Variants in ZNF566 observed in about 807,000 individuals in gnomAD.
ZNF566 encodes zinc finger protein 566.
In ZNF566, 27 loss-of-function variants were observed where a neutral mutation model predicts 32.8. That is an observed-to-expected ratio of 0.82 (90% confidence interval 0.61 to 1.14). ZNF566 has a LOEUF of 1.14. Ranked by LOEUF, ZNF566 falls within the 50% of genes most tolerant of loss-of-function variation. The pLI, the probability that ZNF566 is intolerant of heterozygous loss-of-function variation, is 0.00. For synonymous variants in ZNF566, 154 were observed against 159.5 expected, an observed-to-expected ratio of 0.97 and a Z score of 0.26; for missense variants, 402 against 490.4, an observed-to-expected ratio of 0.82 and a Z score of 1.70.
chr19:36,480,107 T>C (rs2033987701), intron 1 of ZNF566, among the ~76,000 whole-genome samples: 1 of 152,026 alleles, frequency 6.6e-6, no homozygotes, highest in African/African-American at 2.4e-5. Flanking sequence ...GAAGAGCTTA[T>C]AATAGCCGAG....
Position 36,449,771 on chromosome 19 carries a change from G to A in ZNF566, c.463C>T (p.His155Tyr), listed in dbSNP as rs1401191533. Reference sequence around the variant, plus strand: ...ATTTGCTGTAATGTGAAGGATGGATGGTGACTCAAAGTGGGCAGATCTTCA... The same window carrying A: ...ATTTGCTGTAATGTGAAGGATGGATAGTGACTCAAAGTGGGCAGATCTTCA... The part of the protein sequence containing the change: ...THEDLPTLSH[H>Y]PSFTLQQIIN... The change falls in exon 5 of 5, where the codon CAT becomes TAT. Residue 155 changes from histidine to tyrosine, a missense_variant. This residue lies in a region of ZNF566 where 220 missense variants were observed against 241.9 expected (regional missense o/e 0.91). Transcript: ENST00000452939. 3 of 1,614,148 alleles carry A rather than the reference G, an allele frequency of 1.9e-6. No individual in the cohort carries two copies. Among genetic ancestry groups the A allele is most frequent in the Middle Eastern group, 1.6e-4 (1 of 6,062 alleles).
chr19:36,476,550 T>G lies in ZNF566; in HGVS notation c.8A>C (p.Gln3Pro), dbSNP rs754697282. The change falls in exon 2 of 5, where the codon CAG (glutamine) becomes CCG (proline). Residue 3 changes from glutamine to proline, a missense_variant and splice_region_variant. Physicochemically the swap from Gln to Pro is moderately conservative, Grantham distance 76. Transcript: ENST00000452939. ...GAGCAAAAGGAAACAGTATCTCACC[T>G]GAGCCATGGCTCTGATATTTGTAGA... MA[Q>P]ESVMFSDVSV... is the part of the protein sequence containing the mutation. 1.2e-6 allele frequency: 2 copies of G among 1,613,258 alleles called. No individual in the cohort carries two copies. Among genetic ancestry groups the G allele is most frequent in the African/African-American group, 1.3e-5 (1 of 75,044 alleles).
At chr19:36,471,420 C>T (rs1388420073) in intron 4 of ZNF566, among the ~76,000 whole-genome samples, 1 of 152,018 alleles carries the variant, frequency 6.6e-6, no homozygotes, top group Non-Finnish European at 1.5e-5. Context: ...AGTCACTGGC[C>T]TCTGGGGCTG....
At chr19:36,479,979 G>A (rs111251754) in intron 1 of ZNF566, among the ~76,000 whole-genome samples, 7 of 152,154 alleles carry the variant, frequency 4.6e-5, no homozygotes, top group African/African-American at 1.4e-4. Flanking sequence ...TTACAGGTGT[G>A]AGCCACTGCA....
chr19:36,473,065 C>T lies in ZNF566; in HGVS notation c.137-59G>A. Reference sequence around the variant, plus strand: ...CATGAGCATATCCTAGAATTCAAATCCAGTCCCTTCATTATAAAGAAAGAC... The same window carrying T: ...CATGAGCATATCCTAGAATTCAAATTCAGTCCCTTCATTATAAAGAAAGAC... On this transcript the variant is annotated intron_variant, in intron 3 of 4. Transcript: ENST00000452939. 2.1e-6 allele frequency: 3 copies of T among 1,447,070 alleles called. 1 individual carries two copies. The highest frequency in any genetic ancestry group is 1.2e-5 in the South Asian group (1 of 82,728). 89.6% of individuals were successfully genotyped at this position (1,447,070 alleles called of 1,614,324 possible). A position where few individuals can be genotyped will look rare whatever the true frequency, so the allele number is the denominator to read the frequency against.
chr19:36,473,130 T>C, intron 3 of ZNF566, 124 bp from the exon 4 acceptor site: 1 of 1,083,760 alleles, frequency 9.2e-7, no homozygotes. Flanking sequence ...TACAACGGAC[T>C]TATGAAACAT....
chr19:36,488,146 G>C (rs1391653108), intron 1 of ZNF566, among the ~76,000 whole-genome samples: 1 of 152,164 alleles, frequency 6.6e-6, no homozygotes, highest in Non-Finnish European at 1.5e-5. Flanking sequence ...GCAGTGGTAT[G>C]ATCATGGCTT....
intron 1 of ZNF566, among the ~76,000 whole-genome samples, chr19:36,485,428 C>T (rs939653270): frequency 4.5e-5 from 6 of 134,314 alleles, no homozygotes; most frequent in South Asian, 2.3e-4. Flanking sequence ...GCCTGGATGA[C>T]GGAGCAAGAC....
chr19:36,473,127 G>A (rs2033806342), intron 3 of ZNF566, 121 bp from the exon 4 acceptor site: 2 of 1,100,402 alleles, frequency 1.8e-6, no homozygotes, highest in Admixed American at 4.5e-5. Flanking sequence ...AGGTACAACG[G>A]ACTTATGAAA....
rs565817804 is a variant in ZNF566, at chr19:36,471,359, G to C, written c.232+1552C>G. Reference sequence around the variant, plus strand: ...AACTGACCCACTCTTTCCCACTCCTGCCTCTTTGATCTCATCTCCCACCCA... The same window carrying C: ...AACTGACCCACTCTTTCCCACTCCTCCCTCTTTGATCTCATCTCCCACCCA... On this transcript the variant is annotated intron_variant, in intron 4 of 4. Transcript: ENST00000452939. 3.3e-5 allele frequency among the ~76,000 whole-genome samples: 5 copies of C among 152,046 alleles called. No individual in the cohort carries two copies. In the South Asian group the frequency reaches 1.0e-3, roughly 32 times the overall value.
chr19:36,464,354 CCT>C (rs2033558902), intron 4 of ZNF566, among the ~76,000 whole-genome samples: 1 of 151,492 alleles, frequency 6.6e-6, no homozygotes, highest in Non-Finnish European at 1.5e-5. Flanking sequence ...ACGGTGTTTC[CCT>C]CTGTTGCCCA....
intron 4 of ZNF566, among the ~76,000 whole-genome samples, chr19:36,454,159 A>C (rs2033240806): frequency 6.6e-6 from 1 of 152,112 alleles, no homozygotes; most frequent in African/African-American, 2.4e-5. Context: ...TCAGCCTCCC[A>C]AAGTGCTGGG....
At chr19:36,455,496 C>A (rs2033277977) in intron 4 of ZNF566, among the ~76,000 whole-genome samples, 2 of 152,286 alleles carry the variant, frequency 1.3e-5, no homozygotes, top group South Asian at 4.1e-4. Context: ...AATTCCCGCA[C>A]TTTGGGAGGC....
chr19:36,462,720 G>T (rs947768175), intron 4 of ZNF566, among the ~76,000 whole-genome samples: 1 of 151,466 alleles, frequency 6.6e-6, no homozygotes, highest in Non-Finnish European at 1.5e-5. Context: ...GCAAGAGATT[G>T]CCCCAATCTC....
chr19:36,456,371 A>T (rs2033311113), intron 4 of ZNF566: 1 of 120,600 alleles, frequency 8.3e-6, no homozygotes, highest in African/African-American at 3.3e-5. Flanking sequence ...CCCCATCTCT[A>T]CTAAAATACA....
Position 36,449,451 on chromosome 19 carries a change from C to A in ZNF566, c.783G>T (p.Gly261=). 6.2e-7 allele frequency: 1 copy of A among 1,613,976 alleles called. No individual in the cohort carries two copies. Among genetic ancestry groups the A allele is most frequent in the Middle Eastern group, 1.6e-4 (1 of 6,062 alleles). Residue 261 remains glycine, a synonymous_variant, in exon 5 of 5, where the codon GGG becomes GGT. Coordinates refer to ENST00000452939, the MANE Select transcript of ZNF566 (RefSeq NM_001145344.1). The part of the protein sequence containing the change: ...GEKPYECKEC[G]KAFSSGSNFT... ...AGTTTGAACCACTACTAAAGGCTTTCCCACATTCCTTACATTCATAGGGTT... is the reference window on the plus strand; with the variant it reads ...AGTTTGAACCACTACTAAAGGCTTTACCACATTCCTTACATTCATAGGGTT...
At chr19:36,456,301 C>T (rs182965052) in intron 4 of ZNF566, among the ~76,000 whole-genome samples, 15 of 147,730 alleles carry the variant, frequency 1.0e-4, no homozygotes, top group Admixed American at 9.0e-4. Flanking sequence ...TTTGGAAGGC[C>T]GAGGCAGGTG....
At chr19:36,466,786 C>A (rs1245653853) in intron 4 of ZNF566, among the ~76,000 whole-genome samples, 1 of 152,098 alleles carries the variant, frequency 6.6e-6, no homozygotes, top group Non-Finnish European at 1.5e-5. Flanking sequence ...AAAATACAGA[C>A]AATTCGGCCA....
intron 1 of ZNF566, among the ~76,000 whole-genome samples, chr19:36,485,202 A>G (rs1745574156): frequency 6.6e-6 from 1 of 151,502 alleles, no homozygotes; most frequent in Non-Finnish European, 1.5e-5. Flanking sequence ...TGGGAGGCCA[A>G]AACAGGAGGA....
Sources: allele counts gnomAD v4.1 joint callset (sites outside exome capture counted in the v4.1 genomes callset), GRCh38; gene constraint gnomAD v4.1.1; regional missense constraint gnomAD v4.1.1; transcripts MANE v1.5; gene names NCBI Gene and HGNC (gene_info 2026-07-23, HGNC 2026-07-21).